The following PEX11A variants were observed in gnomAD, a reference collection of about 807,000 sequenced individuals.
PEX11A encodes the protein peroxisomal membrane protein 11A.
A neutral mutation model predicts 14.4 loss-of-function variants in PEX11A; 13 were observed. The ratio of observed to expected loss-of-function variants is 0.90; its 90% CI spans 0.59 to 1.43. The LOEUF is 1.43. Among genes scored for constraint, PEX11A ranks in the 40% most tolerant of loss-of-function variants. PEX11A has a pLI of 0.00. For missense variants in PEX11A, 290 were observed against 302.8 expected, an observed-to-expected ratio of 0.96 and a Z score of 0.31; for synonymous variants, 101 against 113.0, an observed-to-expected ratio of 0.89 and a Z score of 0.67.
intron 1 of PEX11A, chr15:89,687,904 G>A (rs1312364415): frequency 2.1e-6 from 1 of 470,738 alleles, no homozygotes; most frequent in Non-Finnish European, 4.1e-6. Context: ...CGATTTTATT[G>A]TCTTCATAAT....
rs536271277 is a variant in PEX11A at position 89,683,017 on chromosome 15, T to C, written c.*360A>G. On this transcript the variant is annotated 3_prime_UTR_variant, in exon 3 of 3. Transcript: ENST00000300056. The stretch of plus-strand genomic sequence containing the variant: ...ATGATCCATATGACCCTAAAGTTAT[T>C]GTATACTGGTGTTCAATGATCAGTG... The C allele has an allele frequency of 2.8e-4, 54 of 192,772 alleles. No individual in the cohort carries two copies. Among genetic ancestry groups the C allele is most frequent in the Non-Finnish European group, 4.4e-4 (41 of 94,048 alleles). The allele number at this position is 192,772 out of a possible 1,614,324, so 11.9% of individuals were successfully genotyped here.
intron 1 of PEX11A, among the ~76,000 whole-genome samples, chr15:89,689,516 C>T (rs141012005): frequency 4.0e-4 from 61 of 152,272 alleles, no homozygotes; most frequent in Middle Eastern, 6.8e-3. Context: ...CAAGAATCAA[C>T]CAAATCTCTA....
In PEX11A at chr15:89,683,312, C is replaced by T; in HGVS notation, c.*65G>A. The T allele has an allele frequency of 9.1e-7, 1 of 1,103,006 alleles. No homozygotes were observed. Among genetic ancestry groups the T allele is most frequent in the Non-Finnish European group, 1.3e-6 (1 of 750,702 alleles). The allele number at this position is 1,103,006 out of a possible 1,614,324, so 68.3% of individuals were successfully genotyped here. On this transcript the variant is annotated 3_prime_UTR_variant, in exon 3 of 3. Transcript: ENST00000300056. The stretch of plus-strand genomic sequence containing the variant: ...AGTATGACATGGCCTGTGACTTATA[C>T]AAATGTCTGTCCCACCAAGAGGCCA...
At chr15:89,686,641 C>A in intron 1 of PEX11A, 95 bp from the exon 2 acceptor site, 1 of 649,952 alleles carries the variant, frequency 1.5e-6, no homozygotes, top group Non-Finnish European at 2.7e-6. Context: ...TGCCTCCAGA[C>A]AACATTTCCA....
chr15:89,685,433 T>C (rs1964663584), intron 2 of PEX11A, among the ~76,000 whole-genome samples: 1 of 151,790 alleles, frequency 6.6e-6, no homozygotes, highest in South Asian at 2.1e-4. Flanking sequence ...CTAAATAGAA[T>C]TTCTAATCTT....
intron 1 of PEX11A, among the ~76,000 whole-genome samples, chr15:89,689,123 G>T (rs1049453135): frequency 2.0e-5 from 3 of 152,198 alleles, no homozygotes; most frequent in African/African-American, 7.2e-5. Context: ...AATGAAGCTT[G>T]TATATAAAGT....
rs1964820385 is a variant in PEX11A, at chr15:89,690,665, G to A, written c.-33C>T. 1.3e-6 allele frequency: 2 copies of A among 1,532,758 alleles called. No individual in the cohort carries two copies. The highest frequency in any genetic ancestry group is 1.4e-5 in the African/African-American group (1 of 72,658). 94.9% of individuals were successfully genotyped at this position (1,532,758 alleles called of 1,614,324 possible). On this transcript the variant is annotated 5_prime_UTR_variant, in exon 1 of 3. Transcript: ENST00000300056. ...AGCCCAAAGGCCACGAGTCGCACGG[G>A]GCTCAGGCGTGGGTCCTCTGGGGCC...
At chr15:89,686,612 TA>T in intron 1 of PEX11A, 66 bp from the exon 2 acceptor site, 1 of 772,380 alleles carries the variant, frequency 1.3e-6, no homozygotes. Context: ...ATTCAGGAAG[TA>T]AGGGAAAGAG....
At position 89,683,716 on chromosome 15, in the gene PEX11A, C is replaced by A. The variant is rs7169981; in HGVS notation, c.405G>T (p.Leu135=). The change falls in exon 3 of 3, where the codon CTG becomes CTT. Residue 135 remains leucine (L), a synonymous_variant. Transcript: ENST00000300056. ...GGGAGATTTCATACAGATCCCTGAC[C>A]AGGCTCAGCAGAAGAGAATAGTAGT... The part of the protein sequence containing the change: ...HHYYYSLLLS[L]VRDLYEISLQ... The A allele has an allele frequency of 0.67, 1,087,591 of 1,613,576 alleles. 374,099 individuals carry two copies. Among genetic ancestry groups the A allele is most frequent in the Non-Finnish European group, 0.72 (844,446 of 1,179,712 alleles).
chr15:89,688,550 G>A (rs1234637400), intron 1 of PEX11A, among the ~76,000 whole-genome samples: 3 of 151,386 alleles, frequency 2.0e-5, no homozygotes, highest in African/African-American at 4.9e-5. Context: ...GTGCCATCAC[G>A]CCCAGCTAAT....
Position 89,683,116 on chromosome 15 carries a change from T to C in PEX11A, c.*261A>G. The C allele has an allele frequency of 2.1e-6, 1 of 471,258 alleles. No homozygotes were observed. The highest frequency in any genetic ancestry group is 3.7e-6 in the Non-Finnish European group (1 of 266,668). 29.2% of individuals were successfully genotyped at this position (471,258 alleles called of 1,614,324 possible). A position where few individuals can be genotyped will look rare whatever the true frequency, so the allele number is the denominator to read the frequency against. ...AAATACTAAGCTCCCACTATGCACA[T>C]AAGAGATGTTCAATCAATGTTAGAT... On this transcript the variant is annotated 3_prime_UTR_variant, in exon 3 of 3. Transcript: ENST00000300056.
Position 89,686,554 on chromosome 15 carries a change from GGAA to G in PEX11A, c.57-11_57-9del. ...CATGTGTACTGAGTGGCTCTGAAAT[GGAA>G]AAAAAAAAATTGAGAAGAATGATTT... On this transcript the variant is annotated splice_polypyrimidine_tract_variant and intron_variant, in intron 1 of 2. Coordinates refer to ENST00000300056, the MANE Select transcript of PEX11A (RefSeq NM_003847.3). 8.1e-7 allele frequency: 1 copy of G among 1,229,020 alleles called. No homozygotes were observed. The highest frequency in any genetic ancestry group is 1.2e-6 in the Non-Finnish European group (1 of 855,108). 76.1% of individuals were successfully genotyped at this position (1,229,020 alleles called of 1,614,324 possible). A position where few individuals can be genotyped will look rare whatever the true frequency, so the allele number is the denominator to read the frequency against.
In PEX11A at chr15:89,690,718, C is replaced by A; in HGVS notation, c.-86G>T. Reference sequence around the variant, plus strand: ...TCGGATCCCCAGGGAACGGTCAGTCCCAGGTTATCCGCTGAGGGGGAGGGG... The same window carrying A: ...TCGGATCCCCAGGGAACGGTCAGTCACAGGTTATCCGCTGAGGGGGAGGGG... On this transcript the variant is annotated 5_prime_UTR_variant, in exon 1 of 3. Transcript: ENST00000300056. The A allele has an allele frequency of 2.1e-6, 2 of 958,270 alleles. No individual in the cohort carries two copies. The highest frequency in any genetic ancestry group is 1.5e-5 in the South Asian group (1 of 68,962). 59.4% of individuals were successfully genotyped at this position (958,270 alleles called of 1,614,324 possible).
chr15:89,686,406 G>A (rs1420783336), intron 2 of PEX11A, 25 bp downstream of exon 2: 3 of 985,436 alleles, frequency 3.0e-6, no homozygotes, highest in Non-Finnish European at 4.9e-6. Flanking sequence ...AGGAGTCACT[G>A]TCCCTCAAGA....
At position 89,683,951 on chromosome 15, in the gene PEX11A, G is replaced by GC; in HGVS notation, c.173-4dup. On this transcript the variant is annotated splice_region_variant and splice_polypyrimidine_tract_variant and intron_variant, in intron 2 of 2. Coordinates refer to ENST00000300056, the MANE Select transcript of PEX11A (RefSeq NM_003847.3). Reference sequence around the variant, plus strand: ...TACCACATTGCCTAGTCTGAACCCTGCAAGTAGAACCCACAATAGTGAACA... The same window carrying GC: ...TACCACATTGCCTAGTCTGAACCCTGCCAAGTAGAACCCACAATAGTGAACA... 6.3e-7 allele frequency: 1 copy of GC among 1,594,024 alleles called. No homozygotes were observed. The highest frequency in any genetic ancestry group is 8.6e-7 in the Non-Finnish European group (1 of 1,164,904).
rs1192062706 is a variant in PEX11A, at chr15:89,686,556, A to G, written c.57-10T>C. 4 of 637,980 alleles carry G rather than the reference A, an allele frequency of 6.3e-6. No homozygotes were observed. Among genetic ancestry groups the G allele is most frequent in the Non-Finnish European group, 7.0e-6 (3 of 429,494 alleles). 39.5% of individuals were successfully genotyped at this position (637,980 alleles called of 1,614,324 possible). A position where few individuals can be genotyped will look rare whatever the true frequency, so the allele number is the denominator to read the frequency against. On this transcript the variant is annotated splice_polypyrimidine_tract_variant and intron_variant, in intron 1 of 2. Transcript: ENST00000300056. ...TGTGTACTGAGTGGCTCTGAAATGGAAAAAAAAAAATTGAGAAGAATGATT... is the reference window on the plus strand; with the variant it reads ...TGTGTACTGAGTGGCTCTGAAATGGGAAAAAAAAAATTGAGAAGAATGATT...
At chr15:89,690,148 T>G (rs1964790234) in intron 1 of PEX11A, among the ~76,000 whole-genome samples, 1 of 152,142 alleles carries the variant, frequency 6.6e-6, no homozygotes, top group South Asian at 2.1e-4. Context: ...AGAGAGATAT[T>G]TGAAGTCACA....
chr15:89,689,332 T>G (rs1964749783), intron 1 of PEX11A, among the ~76,000 whole-genome samples: 1 of 152,178 alleles, frequency 6.6e-6, no homozygotes, highest in African/African-American at 2.4e-5. Flanking sequence ...TGATGAGGGT[T>G]ATATAAGTTC....
intron 1 of PEX11A, among the ~76,000 whole-genome samples, chr15:89,689,522 C>G (rs548207828): frequency 6.6e-6 from 1 of 152,306 alleles, no homozygotes; most frequent in South Asian, 2.1e-4. Context: ...TCAACCAAAT[C>G]TCTAAAACAT....
Sources: allele counts gnomAD v4.1 joint callset (sites outside exome capture counted in the v4.1 genomes callset), GRCh38; gene constraint gnomAD v4.1.1; transcripts MANE v1.5; gene names NCBI Gene and HGNC (gene_info 2026-07-23, HGNC 2026-07-21).